The following C8orf34 variants were observed in gnomAD, a reference collection of about 807,000 sequenced individuals.
C8orf34 encodes uncharacterized protein C8orf34.
In C8orf34, 65 loss-of-function variants were observed where a neutral mutation model predicts 68.3. The observed-to-expected ratio is 0.95, with a 90% confidence interval of 0.78 to 1.17. The LOEUF is 1.17. Ranked by LOEUF, C8orf34 falls within the 50% of genes most tolerant of loss-of-function variation. The pLI is 0.00. For synonymous variants in C8orf34, 244 were observed against 241.2 expected (o/e 1.01, Z -0.11); for missense variants, 664 against 655.4 (o/e 1.01, Z -0.14).
At chr8:68,772,155 A>T (rs1162816889) in intron 10 of C8orf34, among the ~76,000 whole-genome samples, 2 of 152,212 alleles carry the variant, frequency 1.3e-5, no homozygotes, top group African/African-American at 4.8e-5. Flanking sequence ...TTTGAAAAAG[A>T]TGAGAAGAAA....
At chr8:68,395,390 C>CAA (rs1808660044) in intron 1 of C8orf34, among the ~76,000 whole-genome samples, 1 of 150,428 alleles carries the variant, frequency 6.6e-6, no homozygotes, top group Non-Finnish European at 1.5e-5. Context: ...CACACACACA[C>CAA]ACACACAAAC....
At chr8:68,562,784 G>A (rs1049208694) in intron 7 of C8orf34, among the ~76,000 whole-genome samples, 2 of 152,178 alleles carry the variant, frequency 1.3e-5, no homozygotes, top group Non-Finnish European at 2.9e-5. Flanking sequence ...CAGATTGGGC[G>A]ATCCTTAAGT....
intron 10 of C8orf34, among the ~76,000 whole-genome samples, chr8:68,747,456 T>C (rs1220958789): frequency 0.047 from 5,562 of 119,424 alleles, 207 homozygotes; most frequent in Middle Eastern, 0.13. Flanking sequence ...TCCCTGTTTG[T>C]AGACGACATG....
At chr8:68,717,664 A>T (rs1479262726) in intron 9 of C8orf34, among the ~76,000 whole-genome samples, 1 of 152,134 alleles carries the variant, frequency 6.6e-6, no homozygotes, top group Non-Finnish European at 1.5e-5. Flanking sequence ...TGTAATTTAA[A>T]TAGATCATAT....
intron 7 of C8orf34, chr8:68,625,523 G>T (rs1018490256): frequency 4.6e-5 from 30 of 645,636 alleles, no homozygotes; most frequent in Middle Eastern, 2.4e-4. Flanking sequence ...ATGCTTTGTG[G>T]CTTGAAGTGT....
intron 9 of C8orf34, among the ~76,000 whole-genome samples, chr8:68,717,483 ACT>A (rs1821508916): frequency 7.3e-6 from 1 of 137,760 alleles, no homozygotes; most frequent in Non-Finnish European, 1.5e-5. Context: ...ACAGAGCGAG[ACT>A]CTGTCTCAAA....
intron 1 of C8orf34, among the ~76,000 whole-genome samples, chr8:68,362,432 C>T (rs542856161): frequency 1.3e-5 from 2 of 152,250 alleles, no homozygotes; most frequent in South Asian, 2.1e-4. Context: ...CCAAGATGGC[C>T]GAATAGGAAC....
At chr8:68,816,032 G>A (rs572565758) in intron 13 of C8orf34, 87 bp downstream of exon 13, 4 of 1,602,150 alleles carry the variant, frequency 2.5e-6, no homozygotes, top group South Asian at 2.2e-5. Context: ...AAAAAAGTAC[G>A]TAGTCCTCAT....
rs114529480 is a variant in C8orf34 at position 68,393,300 on chromosome 8, G to A, written c.328-46199G>A. Among the ~76,000 whole-genome samples the A allele has an allele frequency of 5.0e-3, 766 of 152,158 alleles. 6 individuals carry two copies. The highest frequency in any genetic ancestry group is 0.017 in the African/African-American group (715 of 41,526). On this transcript the variant is annotated intron_variant, in intron 1 of 13. Transcript: ENST00000518698. ...ATTAAATATAAAAATGTAGAGAATC[G>A]ACACACTCTTCTTGGCAGAGTTGTT... is the stretch of plus-strand genomic sequence containing the variant.
chr8:68,585,288 CAAAACCA>C (rs1378538101), intron 7 of C8orf34, among the ~76,000 whole-genome samples: 1 of 151,674 alleles, frequency 6.6e-6, no homozygotes, highest in Non-Finnish European at 1.5e-5. Flanking sequence ...AACAGTAAAA[CAAAACCA>C]AAAACCAAAA....
chr8:68,373,350 C>T (rs557500982), intron 1 of C8orf34, among the ~76,000 whole-genome samples: 1 of 152,122 alleles, frequency 6.6e-6, no homozygotes, highest in Non-Finnish European at 1.5e-5. Flanking sequence ...TGCAGATGAC[C>T]ACAGATGGGG....
intron 10 of C8orf34, among the ~76,000 whole-genome samples, chr8:68,757,294 C>T (rs913003624): frequency 2.6e-5 from 4 of 152,094 alleles, no homozygotes; most frequent in Non-Finnish European, 4.4e-5. Context: ...GGGTCAGTGA[C>T]GGATGTTAAC....
chr8:68,511,219 AT>A (rs1370449552), intron 5 of C8orf34, among the ~76,000 whole-genome samples: 8 of 152,310 alleles, frequency 5.3e-5, no homozygotes, highest in African/African-American at 1.9e-4. Flanking sequence ...CAGCAAGGCA[AT>A]TTTTACTTCT....
intron 2 of C8orf34, among the ~76,000 whole-genome samples, chr8:68,444,518 A>G (rs1162425632): frequency 6.6e-6 from 1 of 152,110 alleles, no homozygotes; most frequent in Non-Finnish European, 1.5e-5. Flanking sequence ...TCAATGAGGA[A>G]TGTTCTATCT....
At chr8:68,467,623 A>C (rs1812205179) in intron 3 of C8orf34, among the ~76,000 whole-genome samples, 1 of 151,830 alleles carries the variant, frequency 6.6e-6, no homozygotes, top group Non-Finnish European at 1.5e-5. Flanking sequence ...TGTTTCCTGA[A>C]ATCCAAGTCT....
chr8:68,715,837 G>A (rs1821456679), intron 9 of C8orf34, among the ~76,000 whole-genome samples: 1 of 152,006 alleles, frequency 6.6e-6, no homozygotes, highest in African/African-American at 2.4e-5. Context: ...ATGAAAAGAA[G>A]CCATTATATG....
Position 68,743,398 on chromosome 8 carries a change from C to A in C8orf34, c.1404+21961C>A, listed in dbSNP as rs1386911240. ...GAATAGGAACAGCTCTGGTCTACAG[C>A]TCCCAGCATGAGCGACGCAGAAGAC... On this transcript the variant is annotated intron_variant, in intron 10 of 13. Coordinates refer to ENST00000518698, the MANE Select transcript of C8orf34 (RefSeq NM_052958.4). Among the ~76,000 whole-genome samples the A allele has an allele frequency of 2.0e-5, 3 of 152,194 alleles. 1 individual carries two copies. Among genetic ancestry groups the A allele is most frequent in the Non-Finnish European group, 4.4e-5 (3 of 68,028 alleles).
chr8:68,519,071 A>G lies in C8orf34; in HGVS notation c.766-2728A>G, dbSNP rs1379317128. On this transcript the variant is annotated intron_variant, in intron 5 of 13. Transcript: ENST00000518698. ...TTATTGTAAAACTACGATCAAGCGT[A>G]TTAAAGTAAGAATTAAAAGACACAG... Among the ~76,000 whole-genome samples, 5 of 152,322 alleles carry G rather than the reference A, an allele frequency of 3.3e-5. No individual in the cohort carries two copies. In the South Asian group the frequency reaches 1.0e-3, roughly 32 times the overall value.
chr8:68,333,738 G>A (rs1232853505), intron 1 of C8orf34, among the ~76,000 whole-genome samples: 1 of 152,172 alleles, frequency 6.6e-6, no homozygotes, highest in East Asian at 1.9e-4. Context: ...CAGCACAAAT[G>A]TTTGCTACAA....
Sources: gnomAD v4.1 joint callset for allele counts (sites outside exome capture counted in the v4.1 genomes callset) on GRCh38, gnomAD v4.1.1 for gene constraint, MANE v1.5 for transcripts, NCBI Gene and HGNC (gene_info 2026-07-23, HGNC 2026-07-21) for gene names.